The following STK32C variants were observed in gnomAD, a reference collection of about 807,000 sequenced individuals.
STK32C encodes serine/threonine-protein kinase 32C.
In STK32C, 31 loss-of-function variants were observed where a neutral mutation model predicts 56.5. The observed-to-expected ratio is 0.55, with a 90% CI of 0.41 to 0.74. The LOEUF (loss-of-function observed/expected upper bound fraction) is 0.74. Among genes scored for constraint, STK32C ranks in the 30% least tolerant of loss-of-function variants. The pLI is 0.00. For synonymous variants in STK32C, 309 were observed against 289.4 expected (o/e 1.07, Z -0.69); for missense variants, 544 against 676.9 (o/e 0.80, Z 2.18).
chr10:132,300,633 T>C (rs1238365028), intron 1 of STK32C, among the ~76,000 whole-genome samples: 1 of 152,232 alleles, frequency 6.6e-6, no homozygotes, highest in East Asian at 1.9e-4. Context: ...TTCTGATCTT[T>C]ATCATCAATC....
chr10:132,208,470 C>T (rs1238190128), intron 11 of STK32C, among the ~76,000 whole-genome samples: 1 of 152,198 alleles, frequency 6.6e-6, no homozygotes, highest in African/African-American at 2.4e-5. Flanking sequence ...GTCATCTGAT[C>T]CCCAGGGTGC....
chr10:132,239,248 G>A (rs753731643), intron 2 of STK32C, among the ~76,000 whole-genome samples: 3 of 152,134 alleles, frequency 2.0e-5, no homozygotes, highest in African/African-American at 4.8e-5. Context: ...TGGGGCCCTC[G>A]GTCCAGCCGG....
chr10:132,282,574 C>T (rs1362624537), intron 1 of STK32C, among the ~76,000 whole-genome samples: 1 of 152,230 alleles, frequency 6.6e-6, no homozygotes, highest in African/African-American at 2.4e-5. Context: ...TTATTTAACC[C>T]ACAGCCATGG....
chr10:132,331,494 G>A (rs774402670), exon 1 of STK32C: 6 of 1,612,840 alleles, frequency 3.7e-6, no homozygotes, highest in South Asian at 3.3e-5. Flanking sequence ...CTCCAAAGAG[G>A]ACGCTCTGAG....
At chr10:132,257,393 C>T (rs901094115) in intron 1 of STK32C, among the ~76,000 whole-genome samples, 1 of 152,090 alleles carries the variant, frequency 6.6e-6, no homozygotes. Flanking sequence ...TGGCTCCTGG[C>T]AGCCACAGGC....
At chr10:132,323,167 T>C (rs996690459), downstream of STK32C, among the ~76,000 whole-genome samples, 14 of 152,276 alleles carry the variant, frequency 9.2e-5, no homozygotes, top group African/African-American at 2.9e-4. This position sits in a 1 kb window ranked among gnomAD's most constrained non-coding sequence, Gnocchi z 4.8. Flanking sequence ...TTGAACCTCT[T>C]GGGAATTCTT....
chr10:132,302,163 C>T (rs1400129053), intron 1 of STK32C, among the ~76,000 whole-genome samples: 1 of 152,220 alleles, frequency 6.6e-6, no homozygotes, highest in African/African-American at 2.4e-5. Context: ...TCCCTCAGAT[C>T]ACCTTGGAGT....
intron 2 of STK32C, among the ~76,000 whole-genome samples, chr10:132,243,329 C>T (rs979070643): frequency 3.9e-5 from 6 of 152,302 alleles, no homozygotes; most frequent in East Asian, 3.9e-4. Context: ...TCTGGAACCC[C>T]GGCTGGACGC....
intron 1 of STK32C, among the ~76,000 whole-genome samples, chr10:132,253,760 A>G (rs2138010151): frequency 6.6e-6 from 1 of 152,364 alleles, no homozygotes; most frequent in South Asian, 2.1e-4. Context: ...GAGATGGCCA[A>G]GACGTCACCT....
chr10:132,315,112 C>T (rs1358957440), intron 1 of STK32C, among the ~76,000 whole-genome samples: 2 of 151,952 alleles, frequency 1.3e-5, no homozygotes, highest in African/African-American at 2.4e-5. Flanking sequence ...CCAGCCTGGG[C>T]AACAAGAGCG....
rs1401665724 is a variant in STK32C, at chr10:132,226,906, A to G, written c.533T>C (p.Leu178Pro). Residue 178 changes from leucine to proline, a missense_variant, in exon 4 of 12, where the codon CTG (leucine) becomes CCG (proline). Coordinates refer to ENST00000298630, the MANE Select transcript of STK32C (RefSeq NM_173575.4). ...MVVDLLLGGD[L>P]RYHLQQNVQF... ...CACGTTCTGCTGCAGGTGGTAGCGC[A>G]GGTCCCCGCCCAGTAGCAGGTCCAC... is the stretch of plus-strand genomic sequence containing the variant. 1 of 1,613,494 alleles carries G rather than the reference A, an allele frequency of 6.2e-7. No individual in the cohort carries two copies. The highest frequency in any genetic ancestry group is 8.5e-7 in the Non-Finnish European group (1 of 1,180,042).
intron 2 of STK32C, among the ~76,000 whole-genome samples, chr10:132,236,183 A>G (rs1007230545): frequency 2.0e-5 from 3 of 152,204 alleles, no homozygotes; most frequent in African/African-American, 7.2e-5. Context: ...AGGAGCACAG[A>G]AAGGACCCCT....
At position 132,244,652 on chromosome 10, in the gene STK32C, T is replaced by C. The variant is rs563873161; in HGVS notation, c.318+1248A>G. Among the ~76,000 whole-genome samples, 25 of 152,290 alleles carry C rather than the reference T, an allele frequency of 1.6e-4. No individual in the cohort carries two copies. The South Asian group carries it at 5.0e-3, about 30-fold the overall frequency. ...TTGAACCTGATTTCTGGATGCCTGG[T>C]GACTCCCAGGGTCCCCCTAAGCCAC... On this transcript the variant is annotated intron_variant, in intron 2 of 11. Transcript: ENST00000298630.
chr10:132,217,430 C>G (rs1019979681), intron 10 of STK32C, among the ~76,000 whole-genome samples: 9 of 152,152 alleles, frequency 5.9e-5, no homozygotes, highest in African/African-American at 1.7e-4. Flanking sequence ...AGGGACTTAC[C>G]TTGTCTCAGA....
intron 1 of STK32C, among the ~76,000 whole-genome samples, chr10:132,248,269 G>A (rs1373546729): frequency 6.6e-6 from 1 of 152,222 alleles, no homozygotes; most frequent in African/African-American, 2.4e-5. Flanking sequence ...ACTAGTGGAG[G>A]GAGGAGAGTG....
intron 8 of STK32C, among the ~76,000 whole-genome samples, chr10:132,224,011 G>A (rs2137683544): frequency 6.6e-6 from 1 of 152,330 alleles, no homozygotes; most frequent in South Asian, 2.1e-4. Flanking sequence ...TGGGGCAAAG[G>A]GTCCCGGAGA....
chr10:132,222,764 A>T lies in STK32C; in HGVS notation c.1128T>A (p.Arg376=). ...GCTCAAAGGTGGGGTCGCAGTGCAG[A>T]CGGCCTTTCTACAGAGGGATGGGTG... ...VEPGFVPNKG[R]LHCDPTFELE... Residue 376 remains arginine, a synonymous_variant, in exon 10 of 12, where the codon CGT becomes CGA. Transcript: ENST00000298630. The T allele has an allele frequency of 6.2e-7, 1 of 1,602,556 alleles. No homozygotes were observed. Among genetic ancestry groups the T allele is most frequent in the Non-Finnish European group, 8.5e-7 (1 of 1,174,940 alleles).
Position 132,280,413 on chromosome 10 carries a change from C to T in STK32C, c.262+27159G>A, listed in dbSNP as rs551295955. On this transcript the variant is annotated intron_variant, in intron 1 of 11. Coordinates refer to ENST00000298630, the MANE Select transcript of STK32C (RefSeq NM_173575.4). ...CACCCCGTGATCACGCACCTCCACC[C>T]CCTGATCACACCACTGCACTCCGTG... is the stretch of plus-strand genomic sequence containing the variant. Among the ~76,000 whole-genome samples the T allele has an allele frequency of 1.9e-3, 271 of 144,608 alleles. 2 individuals are homozygous for T. The highest frequency in any genetic ancestry group is 2.9e-3 in the Non-Finnish European group (190 of 65,980). The allele number at this position is 144,608 out of a possible 152,430, so 94.9% of individuals were successfully genotyped here.
At position 132,223,001 on chromosome 10, in the gene STK32C, G is replaced by T; in HGVS notation, c.994-15C>A. ...ACAGTGAGGAGCTGCAACCAGGCAT[G>T]AGTCAGAGGGTCCAGGGCCCACAGC... On this transcript the variant is annotated splice_polypyrimidine_tract_variant and intron_variant, in intron 8 of 11. Transcript: ENST00000298630. The T allele has an allele frequency of 6.5e-7, 1 of 1,545,782 alleles. No individual in the cohort carries two copies.
Sources: allele counts gnomAD v4.1 joint callset (sites outside exome capture counted in the v4.1 genomes callset), GRCh38; gene constraint gnomAD v4.1.1; non-coding constraint Gnocchi (gnomAD v3.1); transcripts MANE v1.5; gene names NCBI Gene and HGNC (gene_info 2026-07-23, HGNC 2026-07-21).